The following KHDRBS3 variants were observed in gnomAD, a reference collection of about 807,000 sequenced individuals.
KHDRBS3 encodes the protein KH domain-containing, RNA-binding, signal transduction-associated protein 3.
Under a neutral mutation model 45.6 loss-of-function variants are expected in KHDRBS3, and 23 were observed. The ratio of observed to expected loss-of-function variants is 0.50; its 90% CI spans 0.36 to 0.72. KHDRBS3 has a LOEUF of 0.72. Ranked by LOEUF, KHDRBS3 falls within the 30% of genes least tolerant of loss-of-function variation. KHDRBS3 has a pLI of 0.00. For synonymous variants in KHDRBS3, 162 were observed against 156.5 expected (o/e 1.04, Z -0.26); for missense variants, 352 against 424.8 (o/e 0.83, Z 1.51).
intron 7 of KHDRBS3, among the ~76,000 whole-genome samples, chr8:135,632,295 A>G (rs939670857): frequency 6.6e-6 from 1 of 152,016 alleles, no homozygotes; most frequent in African/African-American, 2.4e-5. Context: ...GGCCCTCACC[A>G]TCTCAGAGCC....
intron 1 of KHDRBS3, among the ~76,000 whole-genome samples, chr8:135,516,368 A>T (rs1381196349): frequency 6.6e-6 from 1 of 152,192 alleles, no homozygotes; most frequent in Non-Finnish European, 1.5e-5. Flanking sequence ...TTACACTATC[A>T]TTGCCACAAA....
intron 1 of KHDRBS3, chr8:135,458,892 TC>T (rs1245097879): frequency 4.4e-6 from 2 of 456,280 alleles, no homozygotes; most frequent in South Asian, 3.1e-5. Context: ...GCTTCCTGAA[TC>T]ATCTGCTGGC....
intron 7 of KHDRBS3, among the ~76,000 whole-genome samples, chr8:135,636,383 T>C (rs1427560843): frequency 6.6e-6 from 1 of 152,204 alleles, no homozygotes; most frequent in Non-Finnish European, 1.5e-5. Flanking sequence ...GAAAAAGAAT[T>C]CTCATGCAGC....
rs539606549 is a variant in KHDRBS3, at chr8:135,577,155, A to G, written c.612-4723A>G. On this transcript the variant is annotated intron_variant, in intron 5 of 8. Transcript: ENST00000355849. ...ACAGACTTCTCTCATTTCTAAGTTTACTTTTCTCCAATCCCTTCAATAAAA... is the reference window on the plus strand; with the variant it reads ...ACAGACTTCTCTCATTTCTAAGTTTGCTTTTCTCCAATCCCTTCAATAAAA... 3.3e-5 allele frequency among the ~76,000 whole-genome samples: 5 copies of G among 151,216 alleles called. No individual in the cohort carries two copies. The South Asian group carries it at 1.0e-3, about 32-fold the overall frequency.
rs369792161 is a variant in KHDRBS3, at chr8:135,647,102, G to A, written c.*18G>A. On this transcript the variant is annotated 3_prime_UTR_variant, in exon 9 of 9. Coordinates refer to ENST00000355849, the MANE Select transcript of KHDRBS3 (RefSeq NM_006558.3). ...GATACTGATTGTACTGTCTGATGTT[G>A]TGAAATAGCCAATCTCCACCAGTCC... 6.4e-5 allele frequency: 89 copies of A among 1,381,272 alleles called. No individual in the cohort carries two copies. The African/African-American group carries it at 1.2e-3, about 19-fold the overall frequency. The allele number at this position is 1,381,272 out of a possible 1,614,324, so 85.6% of individuals were successfully genotyped here. A position where few individuals can be genotyped will look rare whatever the true frequency, so the allele number is the denominator to read the frequency against.
At chr8:135,635,091 A>G (rs1338710843) in intron 7 of KHDRBS3, among the ~76,000 whole-genome samples, 2 of 152,230 alleles carry the variant, frequency 1.3e-5, no homozygotes, top group Admixed American at 6.5e-5. Flanking sequence ...AATATTTATC[A>G]TATTAGAAAT....
At chr8:135,545,372 C>T (rs1231542921) in intron 3 of KHDRBS3, among the ~76,000 whole-genome samples, 1 of 152,104 alleles carries the variant, frequency 6.6e-6, no homozygotes, top group Non-Finnish European at 1.5e-5. Flanking sequence ...AGGCTTTTGC[C>T]GTGTGGAAGG....
At chr8:135,614,434 A>G (rs1423430154) in intron 7 of KHDRBS3, among the ~76,000 whole-genome samples, 5 of 151,850 alleles carry the variant, frequency 3.3e-5, no homozygotes, top group African/African-American at 9.7e-5. Flanking sequence ...TTGATGTCTT[A>G]TTTACAATCC....
intron 7 of KHDRBS3, among the ~76,000 whole-genome samples, chr8:135,630,077 G>T (rs539806626): frequency 6.6e-6 from 1 of 152,236 alleles, no homozygotes; most frequent in Non-Finnish European, 1.5e-5. Context: ...CAGAGAGGGA[G>T]TAAGGAATGT....
chr8:135,471,519 A>C (rs773531664), intron 1 of KHDRBS3, among the ~76,000 whole-genome samples: 8 of 152,168 alleles, frequency 5.3e-5, no homozygotes, highest in African/African-American at 1.9e-4. Context: ...GAAGTGGCCA[A>C]ATTAAAAGAC....
rs146757741 is a variant in KHDRBS3, at chr8:135,543,019, A to G, written c.324+249A>G. ...TTGCAGTTGTAATATGTCACCTTGT[A>G]GGAAGTAAAGTAATATTAAAATTAT... On this transcript the variant is annotated intron_variant, in intron 3 of 8. Coordinates refer to ENST00000355849, the MANE Select transcript of KHDRBS3 (RefSeq NM_006558.3). Among the ~76,000 whole-genome samples the G allele has an allele frequency of 7.1e-3, 1,078 of 152,328 alleles. 11 individuals are homozygous for G. Among genetic ancestry groups the G allele is most frequent in the African/African-American group, 0.018 (743 of 41,586 alleles).
chr8:135,550,616 A>G (rs1826540268), intron 4 of KHDRBS3, among the ~76,000 whole-genome samples: 1 of 152,116 alleles, frequency 6.6e-6, no homozygotes. Flanking sequence ...GCATGCTCTT[A>G]ATTACTTTAG....
At chr8:135,616,037 T>C (rs1192645337) in intron 7 of KHDRBS3, among the ~76,000 whole-genome samples, 1 of 152,194 alleles carries the variant, frequency 6.6e-6, no homozygotes, top group Non-Finnish European at 1.5e-5. Context: ...AAAAGGAAAA[T>C]GTTTTTCAAG....
At chr8:135,507,077 A>G (rs1336038172) in intron 1 of KHDRBS3, among the ~76,000 whole-genome samples, 1 of 152,042 alleles carries the variant, frequency 6.6e-6, no homozygotes, top group Non-Finnish European at 1.5e-5. Flanking sequence ...TATATTCTAT[A>G]TTTGTTTATG....
intron 6 of KHDRBS3, among the ~76,000 whole-genome samples, chr8:135,586,688 G>T (rs543348824): frequency 3.3e-5 from 5 of 152,098 alleles, no homozygotes; most frequent in Non-Finnish European, 5.9e-5. Context: ...ACTCAGAAAC[G>T]TAATTTTTAA....
intron 6 of KHDRBS3, among the ~76,000 whole-genome samples, chr8:135,602,653 A>C (rs1395800605): frequency 6.6e-6 from 1 of 152,168 alleles, no homozygotes; most frequent in Non-Finnish European, 1.5e-5. Flanking sequence ...TTGAAGAAGC[A>C]TATTCTTTTC....
intron 5 of KHDRBS3, among the ~76,000 whole-genome samples, chr8:135,575,305 C>G (rs1827900846): frequency 6.6e-6 from 1 of 152,198 alleles, no homozygotes; most frequent in Non-Finnish European, 1.5e-5. Flanking sequence ...CACTTAAAAC[C>G]TGTACAGTGG....
intron 2 of KHDRBS3, among the ~76,000 whole-genome samples, chr8:135,529,941 C>T (rs1586669354): frequency 1.3e-5 from 2 of 151,702 alleles, no homozygotes. Flanking sequence ...GTCCCAGCTA[C>T]TTGGGAGGCT....
intron 6 of KHDRBS3, among the ~76,000 whole-genome samples, chr8:135,599,896 C>A (rs570726837): frequency 6.6e-6 from 1 of 152,340 alleles, no homozygotes; most frequent in African/African-American, 2.4e-5. Context: ...GGTGCTGAAG[C>A]ACACAGCACC....
Sources: allele counts gnomAD v4.1 joint callset (sites outside exome capture counted in the v4.1 genomes callset), GRCh38; gene constraint gnomAD v4.1.1; transcripts MANE v1.5; gene names NCBI Gene and HGNC (gene_info 2026-07-23, HGNC 2026-07-21).